XKR9: variants seen among roughly 807,000 people sequenced by gnomAD.
The protein encoded by XKR9 is XK-related protein 9.
XKR9 carries 32 observed loss-of-function variants against 32.0 expected under a neutral mutation model. The observed-to-expected ratio is 1.00, with a 90% CI of 0.76 to 1.34. The LOEUF is 1.34. Among genes scored for constraint, XKR9 ranks in the 40% most tolerant of loss-of-function variants. The probability of loss-of-function intolerance (pLI) is 0.00; values close to 1 mark genes in which losing one functional copy is unlikely to be tolerated. For synonymous variants in XKR9, 168 were observed against 143.4 expected, an observed-to-expected ratio of 1.17 and a Z score of -1.22; for missense variants, 546 against 429.7, an observed-to-expected ratio of 1.27 and a Z score of -2.39.
chr8:70,696,170 G>A (rs1805268816), intron 3 of XKR9, among the ~76,000 whole-genome samples: 1 of 152,036 alleles, frequency 6.6e-6, no homozygotes, highest in African/African-American at 2.4e-5. Context: ...TTGCTGTGCA[G>A]AAGCTCTTTA....
chr8:70,763,172 G>T (rs1251017367), intron 2 of XKR9, among the ~76,000 whole-genome samples: 2 of 132,138 alleles, frequency 1.5e-5, no homozygotes, highest in African/African-American at 5.1e-5. Flanking sequence ...GGATTAAGGG[G>T]TCTTTGATAG....
At chr8:70,976,300 G>A in the XKR9 span, among the ~76,000 whole-genome samples, 1 of 152,148 alleles carries the variant, frequency 6.6e-6, no homozygotes, top group East Asian at 1.9e-4. Context: ...CCTGTGTCTT[G>A]TGCCAGTTTT....
At chr8:70,806,616 A>G in the XKR9 span, among the ~76,000 whole-genome samples, 1 of 152,206 alleles carries the variant, frequency 6.6e-6, no homozygotes, top group South Asian at 2.1e-4. Flanking sequence ...AACTTCATGA[A>G]GGATACACAA....
At chr8:70,685,490 T>TATA (rs56223664) in intron 3 of XKR9, among the ~76,000 whole-genome samples, 43,682 of 141,396 alleles carry the variant, frequency 0.31, 7,919 homozygotes, top group Non-Finnish European at 0.42. Context: ...AAACTTAAAG[T>TATA]ATAATAATAA....
At chr8:70,873,134 G>C in the XKR9 span, among the ~76,000 whole-genome samples, 1 of 152,170 alleles carries the variant, frequency 6.6e-6, no homozygotes. Flanking sequence ...CCACTGTTAA[G>C]ACCTACTGCT....
chr8:70,827,597 T>C, the XKR9 span, among the ~76,000 whole-genome samples: 1 of 152,224 alleles, frequency 6.6e-6, no homozygotes, highest in Non-Finnish European at 1.5e-5. Flanking sequence ...AGCATATTTT[T>C]GTATGTCACT....
At chr8:70,763,026 T>A (rs1204317360) in intron 2 of XKR9, among the ~76,000 whole-genome samples, 2 of 152,156 alleles carry the variant, frequency 1.3e-5, no homozygotes, top group Non-Finnish European at 2.9e-5. Flanking sequence ...CCTGAATAAT[T>A]TTGTGACTAG....
the XKR9 span, among the ~76,000 whole-genome samples, chr8:70,859,394 C>A: frequency 2.6e-5 from 4 of 151,990 alleles, no homozygotes; most frequent in South Asian, 2.1e-4. Context: ...AGAGGGGAAC[C>A]CTTATACACT....
chr8:70,912,131 C>T, the XKR9 span, among the ~76,000 whole-genome samples: 15 of 152,072 alleles, frequency 9.9e-5, no homozygotes, highest in African/African-American at 2.7e-4. Context: ...TGGCTGTGCA[C>T]GAGTTTGGGG....
At chr8:70,683,733 C>A (rs1408135465) in intron 3 of XKR9, 4 of 303,724 alleles carry the variant, frequency 1.3e-5, no homozygotes, top group South Asian at 2.5e-5. Flanking sequence ...AGTGATCCAC[C>A]CACCTTGGCC....
intron 2 of XKR9, among the ~76,000 whole-genome samples, chr8:70,760,601 G>A (rs1157213986): frequency 1.3e-5 from 2 of 152,294 alleles, no homozygotes; most frequent in East Asian, 1.9e-4. Context: ...TTAGATGGGA[G>A]TACAGGCAGG....
the XKR9 span, among the ~76,000 whole-genome samples, chr8:70,945,122 GTAA>G: frequency 6.6e-6 from 1 of 152,202 alleles, no homozygotes; most frequent in African/African-American, 2.4e-5. Context: ...AATTTACACT[GTAA>G]TACTTTATCA....
the XKR9 span, among the ~76,000 whole-genome samples, chr8:70,812,418 C>T: frequency 2.6e-5 from 4 of 152,234 alleles, no homozygotes; most frequent in East Asian, 3.9e-4. Context: ...TCCTATTCAA[C>T]GTAGTGTTGG....
chr8:71,061,642 G>C, the XKR9 span, among the ~76,000 whole-genome samples: 3 of 152,196 alleles, frequency 2.0e-5, no homozygotes, highest in Admixed American at 6.6e-5. Context: ...GACAGACAGA[G>C]AGAGAAAGAG....
chr8:70,715,870 A>G (rs777399206), intron 4 of XKR9, among the ~76,000 whole-genome samples: 7 of 152,148 alleles, frequency 4.6e-5, no homozygotes, highest in African/African-American at 7.2e-5. Context: ...TGTATCAAGT[A>G]TGAGGGTAGA....
At chr8:70,717,255 C>G (rs1806123755) in intron 4 of XKR9, among the ~76,000 whole-genome samples, 1 of 152,192 alleles carries the variant, frequency 6.6e-6, no homozygotes, top group Non-Finnish European at 1.5e-5. Context: ...CTTCTCACAG[C>G]TCCACTAGGC....
chr8:70,789,646 A>G (rs189252531), intron 3 of XKR9, among the ~76,000 whole-genome samples: 2 of 152,216 alleles, frequency 1.3e-5, no homozygotes, highest in South Asian at 2.1e-4. Context: ...AATATTGGCC[A>G]TTATATAGAA....
chr8:70,812,624 T>C, the XKR9 span, among the ~76,000 whole-genome samples: 32 of 152,178 alleles, frequency 2.1e-4, no homozygotes, highest in East Asian at 3.9e-4. Flanking sequence ...GTACAAAAAT[T>C]ACAAGCATTC....
At chr8:71,050,951 A>C in the XKR9 span, among the ~76,000 whole-genome samples, 288 of 152,300 alleles carry the variant, frequency 1.9e-3, 3 homozygotes, top group Admixed American at 0.016. Flanking sequence ...TCAAGCATTT[A>C]ATTAAATTAA....
Sources: allele counts gnomAD v4.1 joint callset (sites outside exome capture counted in the v4.1 genomes callset), GRCh38; gene constraint gnomAD v4.1.1; transcripts MANE v1.5; gene names NCBI Gene and HGNC (gene_info 2026-07-23, HGNC 2026-07-21).